Variants in KALRN observed in about 807,000 individuals in gnomAD.
The protein encoded by KALRN is kalirin.
In KALRN, 70 loss-of-function variants were observed where a neutral mutation model predicts 353.7. That is an observed-to-expected ratio of 0.20 (90% CI 0.16 to 0.24). The LOEUF (loss-of-function observed/expected upper bound fraction) is 0.24, where lower values mean the gene tolerates loss of function less well. KALRN is among the 10% of genes least tolerant of loss of function. The pLI is 1.00. For synonymous variants in KALRN, 1,391 were observed against 1,434.8 expected (o/e 0.97, Z 0.69); for missense variants, 2,791 against 3,756.7 (o/e 0.74, Z 6.72).
intron 37 of KALRN, among the ~76,000 whole-genome samples, chr3:124,639,663 G>A (rs2081801202): frequency 1.3e-5 from 2 of 152,178 alleles, no homozygotes; most frequent in Non-Finnish European, 2.9e-5. Flanking sequence ...GAGAAGAGGG[G>A]ATGTGGGATG....
At chr3:124,637,121 G>A (rs1293067510) in intron 36 of KALRN, 87 bp from the exon 37 acceptor site, 5 of 1,121,934 alleles carry the variant, frequency 4.5e-6, no homozygotes, top group East Asian at 2.4e-5. Context: ...TCCCTGGCTT[G>A]AGCTTTGGAC....
chr3:124,170,035 G>T (rs146861582), intron 1 of KALRN, among the ~76,000 whole-genome samples: 1 of 152,314 alleles, frequency 6.6e-6, no homozygotes, highest in Non-Finnish European at 1.5e-5. Flanking sequence ...GAGCATTTCA[G>T]AGTTCTTTCC....
chr3:124,413,821 C>T (rs567986287), intron 14 of KALRN, among the ~76,000 whole-genome samples, 156 bp downstream of exon 14: 40 of 152,098 alleles, frequency 2.6e-4, no homozygotes, highest in African/African-American at 9.6e-4. Context: ...AGAAAGGAAA[C>T]GAGGCCAGGT....
At chr3:124,304,225 T>C (rs1217486224) in intron 6 of KALRN, among the ~76,000 whole-genome samples, 1 of 152,028 alleles carries the variant, frequency 6.6e-6, no homozygotes, top group Non-Finnish European at 1.5e-5. Flanking sequence ...TTAGTAGACA[T>C]AGAACTTGTT....
At chr3:124,094,576 T>C (rs891928080) in intron 1 of KALRN, 1 of 531,832 alleles carries the variant, frequency 1.9e-6, no homozygotes. Flanking sequence ...CTCCCACGCA[T>C]CTCCGACCTC....
chr3:124,451,601 G>A (rs1276129333), intron 21 of KALRN, among the ~76,000 whole-genome samples: 5 of 152,164 alleles, frequency 3.3e-5, no homozygotes, highest in Non-Finnish European at 7.3e-5. Context: ...TTTCAAGTGG[G>A]CTTAGGTTGA....
At chr3:124,408,623 A>T (rs1007410081) in intron 13 of KALRN, among the ~76,000 whole-genome samples, 1 of 152,364 alleles carries the variant, frequency 6.6e-6, no homozygotes, top group South Asian at 2.1e-4. Context: ...TGTTGCCAAC[A>T]TCTAAACACT....
chr3:124,120,977 C>T (rs1043540486), intron 1 of KALRN, among the ~76,000 whole-genome samples: 2 of 149,200 alleles, frequency 1.3e-5, no homozygotes, highest in African/African-American at 4.9e-5. Flanking sequence ...CCCTGTAATC[C>T]CAGCTGCTTG....
intron 1 of KALRN, among the ~76,000 whole-genome samples, chr3:124,060,419 G>A (rs1559886940): frequency 6.6e-6 from 1 of 152,152 alleles, no homozygotes; most frequent in Non-Finnish European, 1.5e-5. Context: ...TCTCTCTCTT[G>A]ATCTATCATG....
At chr3:124,683,851 A>T (rs974079360) in intron 51 of KALRN, among the ~76,000 whole-genome samples, 8 of 152,250 alleles carry the variant, frequency 5.3e-5, no homozygotes, top group African/African-American at 1.9e-4. Context: ...GGTGAAGCTG[A>T]TTTTGGAGGA....
At chr3:124,483,001 C>A (rs1175149877) in intron 28 of KALRN, 101 bp downstream of exon 28, 12 of 810,396 alleles carry the variant, frequency 1.5e-5, no homozygotes, top group Non-Finnish European at 2.4e-5. Flanking sequence ...CACCTGAAGA[C>A]CTTTCTTCTA....
intron 34 of KALRN, 89 bp downstream of exon 34, chr3:124,563,178 T>C: frequency 1.6e-6 from 2 of 1,267,024 alleles, no homozygotes; most frequent in Non-Finnish European, 2.1e-6. Flanking sequence ...GGAAGTGACC[T>C]GTCTCACAGA....
chr3:124,700,597 G>A (rs371779855), intron 56 of KALRN, among the ~76,000 whole-genome samples: 4 of 152,032 alleles, frequency 2.6e-5, no homozygotes, highest in Admixed American at 2.6e-4. Flanking sequence ...TACAAATAAG[G>A]TTCTTATTTT....
At chr3:124,159,302 A>C (rs910044614) in intron 1 of KALRN, among the ~76,000 whole-genome samples, 2 of 152,048 alleles carry the variant, frequency 1.3e-5, no homozygotes, top group African/African-American at 4.8e-5. Context: ...ACAGGGTCTT[A>C]GTTTGTCACT....
intron 49 of KALRN, among the ~76,000 whole-genome samples, chr3:124,677,171 C>T (rs1230744364): frequency 6.6e-6 from 1 of 152,130 alleles, no homozygotes; most frequent in Non-Finnish European, 1.5e-5. Context: ...CTGCATAGGC[C>T]CACCTTTGAC....
chr3:124,455,247 C>T lies in KALRN; in HGVS notation c.3623C>T (p.Ala1208Val), dbSNP rs771412100. ...TTTGTGGAAAAAGGCCACATTCATG[C>T]CACGGAGATAAGGAAATGGGTGACC... ...DSFVEKGHIH[A>V]TEIRKWVTTV... Residue 1208 changes from alanine (A) to valine (V), a missense_variant, in exon 22 of 60, where the codon GCC becomes GTC. Around this residue, in one of 11 missense-constraint regions of KALRN, gnomAD observed 268 missense variants for 347.0 expected, o/e 0.77. Transcript: ENST00000682506. The T allele has an allele frequency of 2.5e-5, 41 of 1,614,024 alleles. No individual in the cohort carries two copies. Among genetic ancestry groups the T allele is most frequent in the South Asian group, 6.6e-5 (6 of 91,084 alleles).
chr3:124,641,141 G>A (rs2081999532), intron 37 of KALRN, among the ~76,000 whole-genome samples: 1 of 152,080 alleles, frequency 6.6e-6, no homozygotes, highest in Non-Finnish European at 1.5e-5. Flanking sequence ...CGGTGAGTTA[G>A]GATCTCTGCT....
chr3:124,687,286 T>C (rs1006214008), intron 51 of KALRN, among the ~76,000 whole-genome samples: 2 of 152,082 alleles, frequency 1.3e-5, no homozygotes, highest in Non-Finnish European at 2.9e-5. Flanking sequence ...GGAAATGTGA[T>C]TTATAAAGAA....
At chr3:124,182,359 C>T (rs952999597) in intron 1 of KALRN, among the ~76,000 whole-genome samples, 1 of 152,166 alleles carries the variant, frequency 6.6e-6, no homozygotes, top group East Asian at 1.9e-4. Flanking sequence ...TGAAGACCTA[C>T]GTGGAAAAAG....
Sources: allele counts gnomAD v4.1 joint callset (sites outside exome capture counted in the v4.1 genomes callset), GRCh38; gene constraint gnomAD v4.1.1; regional missense constraint gnomAD v4.1.1; transcripts MANE v1.5; gene names NCBI Gene and HGNC (gene_info 2026-07-23, HGNC 2026-07-21).